Variants in SPIDR observed in about 807,000 individuals in gnomAD.
SPIDR encodes the protein DNA repair-scaffolding protein.
A neutral mutation model predicts 104.6 loss-of-function variants in SPIDR; 93 were observed. That is an observed-to-expected ratio of 0.89 (90% CI 0.75 to 1.06). The LOEUF (loss-of-function observed/expected upper bound fraction) is 1.06, where lower values mean the gene tolerates loss of function less well. Among genes scored for constraint, SPIDR ranks in the 50% least tolerant of loss-of-function variants. The probability of loss-of-function intolerance (pLI) is 0.00; values close to 1 mark genes in which losing one functional copy is unlikely to be tolerated. For missense variants in SPIDR, 1,154 were observed against 1,111.2 expected (o/e 1.04, Z -0.55); for synonymous variants, 431 against 416.9 (o/e 1.03, Z -0.41).
intron 1 of SPIDR, among the ~76,000 whole-genome samples, chr8:47,272,823 C>T (rs1476874610): frequency 1.3e-5 from 2 of 152,162 alleles, no homozygotes; most frequent in African/African-American, 4.8e-5. Flanking sequence ...GGATTATAGG[C>T]ATGAGCCACC....
At chr8:47,420,096 T>A (rs1468413956) in intron 7 of SPIDR, among the ~76,000 whole-genome samples, 3 of 152,156 alleles carry the variant, frequency 2.0e-5, no homozygotes, top group Admixed American at 2.0e-4. Flanking sequence ...ATTCTGTTGA[T>A]TTGGGGTGGA....
rs1415175611 is a variant in SPIDR, at chr8:47,567,411, G to T, written c.1098-28400G>T. ...ATTTTGTATTTTTAGTAGAGACGGG[G>T]TTTCTCCATGTTGGTCAGGCAGGTC... is the stretch of plus-strand genomic sequence containing the variant. On this transcript the variant is annotated intron_variant, in intron 8 of 19. Transcript: ENST00000297423. 3.3e-5 allele frequency among the ~76,000 whole-genome samples: 5 copies of T among 151,632 alleles called. No homozygotes were observed. In the East Asian group the frequency reaches 9.7e-4, roughly 29 times the overall value.
intron 8 of SPIDR, among the ~76,000 whole-genome samples, chr8:47,497,743 G>T (rs1462131696): frequency 6.6e-6 from 1 of 152,132 alleles, no homozygotes; most frequent in African/African-American, 2.4e-5. Context: ...TTCTACAAGG[G>T]TAAAGGGTTT....
At chr8:47,438,515 A>G (rs1278333738) in intron 7 of SPIDR, among the ~76,000 whole-genome samples, 4 of 152,194 alleles carry the variant, frequency 2.6e-5, no homozygotes, top group African/African-American at 9.7e-5. Flanking sequence ...CCAATTGAAG[A>G]TGAGCTACTT....
intron 8 of SPIDR, among the ~76,000 whole-genome samples, chr8:47,499,341 G>C (rs1315252562): frequency 1.3e-5 from 2 of 152,144 alleles, no homozygotes; most frequent in Admixed American, 1.3e-4. Context: ...GTTTGCACCA[G>C]TGTTGGCTCA....
intron 5 of SPIDR, among the ~76,000 whole-genome samples, chr8:47,328,622 C>T (rs1236242760): frequency 6.6e-6 from 1 of 151,994 alleles, no homozygotes; most frequent in Non-Finnish European, 1.5e-5. Flanking sequence ...TTATTCTTTC[C>T]TTACTGGCAG....
At chr8:47,476,605 C>T (rs2076322313) in intron 8 of SPIDR, among the ~76,000 whole-genome samples, 1 of 152,074 alleles carries the variant, frequency 6.6e-6, no homozygotes, top group African/African-American at 2.4e-5. Context: ...CTCCCTTCAC[C>T]CCTGCCTGGA....
rs2034400338 is a variant in SPIDR at position 47,267,760 on chromosome 8, G to T, written c.33+6769G>T. Among the ~76,000 whole-genome samples, 8 of 152,310 alleles carry T rather than the reference G, an allele frequency of 5.3e-5. No homozygotes were observed. The South Asian group carries it at 1.2e-3, about 24-fold the overall frequency. ...TCTGTATACTGTTCCCCTATAAGATGTATGATTGCAGATATTTTCTCTCAT... is the reference window on the plus strand; with the variant it reads ...TCTGTATACTGTTCCCCTATAAGATTTATGATTGCAGATATTTTCTCTCAT... On this transcript the variant is annotated intron_variant, in intron 1 of 19. Coordinates refer to ENST00000297423, the MANE Select transcript of SPIDR (RefSeq NM_001080394.4).
intron 14 of SPIDR, among the ~76,000 whole-genome samples, chr8:47,707,187 G>A (rs911062676): frequency 6.6e-6 from 1 of 150,866 alleles, no homozygotes; most frequent in African/African-American, 2.4e-5. Flanking sequence ...CTGGGAGGCA[G>A]AGGTTGAGTG....
At chr8:47,667,241 A>G (rs907727527) in intron 10 of SPIDR, among the ~76,000 whole-genome samples, 1 of 152,122 alleles carries the variant, frequency 6.6e-6, no homozygotes, top group African/African-American at 2.4e-5. Context: ...AGATCATGCC[A>G]TTGCACTCCA....
chr8:47,662,028 G>A (rs2074195010), intron 10 of SPIDR, among the ~76,000 whole-genome samples: 1 of 152,146 alleles, frequency 6.6e-6, no homozygotes, highest in Non-Finnish European at 1.5e-5. Context: ...CTGAAATGAG[G>A]CCCATCCTAT....
chr8:47,502,139 G>A (rs1226457082), intron 8 of SPIDR, among the ~76,000 whole-genome samples: 1 of 152,184 alleles, frequency 6.6e-6, no homozygotes, highest in Non-Finnish European at 1.5e-5. Flanking sequence ...TTGGTATCAG[G>A]ATGATGCTGG....
intron 8 of SPIDR, among the ~76,000 whole-genome samples, chr8:47,443,675 A>G (rs555520245): frequency 6.7e-6 from 1 of 150,368 alleles, no homozygotes; most frequent in Admixed American, 6.6e-5. Flanking sequence ...GAGAAATAAT[A>G]GTGAATATAT....
chr8:47,300,355 A>C (rs1170562375), intron 5 of SPIDR, among the ~76,000 whole-genome samples: 2 of 151,902 alleles, frequency 1.3e-5, no homozygotes, highest in Non-Finnish European at 2.9e-5. Flanking sequence ...CTTCTTTATT[A>C]GTCTTGCTAG....
At chr8:47,616,472 C>T (rs982327854) in intron 10 of SPIDR, among the ~76,000 whole-genome samples, 3 of 152,130 alleles carry the variant, frequency 2.0e-5, no homozygotes, top group African/African-American at 7.2e-5. Flanking sequence ...GTGTTACCTA[C>T]AGTGATTCTT....
intron 5 of SPIDR, among the ~76,000 whole-genome samples, chr8:47,324,796 C>T (rs1243891088): frequency 3.3e-5 from 5 of 152,236 alleles, no homozygotes; most frequent in South Asian, 2.1e-4. Flanking sequence ...GCTAGTGCTG[C>T]GATGATAAAG....
intron 8 of SPIDR, among the ~76,000 whole-genome samples, chr8:47,567,241 T>C (rs1049078994): frequency 1.3e-5 from 2 of 151,800 alleles, no homozygotes; most frequent in South Asian, 4.2e-4. Context: ...TTTTTCTTTT[T>C]TTAGTTTTGC....
chr8:47,373,364 A>T (rs184275473), intron 5 of SPIDR, among the ~76,000 whole-genome samples: 1 of 152,318 alleles, frequency 6.6e-6, no homozygotes, highest in East Asian at 1.9e-4. Context: ...GTGTGGAGAA[A>T]ATTGGGCATA....
chr8:47,437,943 CTG>C (rs1301544449), intron 7 of SPIDR, among the ~76,000 whole-genome samples: 2 of 152,204 alleles, frequency 1.3e-5, no homozygotes, highest in African/African-American at 4.8e-5. Context: ...TTTGAAGAAA[CTG>C]TAGTCAGGCA....
Sources: gnomAD v4.1 joint callset for allele counts (sites outside exome capture counted in the v4.1 genomes callset) on GRCh38, gnomAD v4.1.1 for gene constraint, MANE v1.5 for transcripts, NCBI Gene and HGNC (gene_info 2026-07-23, HGNC 2026-07-21) for gene names.